The following OMD variants were observed in gnomAD, a reference collection of about 807,000 sequenced individuals.
OMD encodes osteomodulin.
Under a neutral mutation model 31.2 loss-of-function variants are expected in OMD, and 19 were observed. The ratio of observed to expected loss-of-function variants is 0.61; its 90% CI spans 0.42 to 0.89. The LOEUF (loss-of-function observed/expected upper bound fraction) is 0.89, where lower values mean the gene tolerates loss of function less well. Among genes scored for constraint, OMD ranks in the 40% least tolerant of loss-of-function variants. OMD has a pLI of 0.00. For synonymous variants in OMD, 155 were observed against 166.4 expected (o/e 0.93, Z 0.53); for missense variants, 448 against 490.8 (o/e 0.91, Z 0.82).
intron 1 of OMD, among the ~76,000 whole-genome samples, chr9:92,423,106 T>C (rs1843862689): frequency 6.6e-6 from 1 of 152,228 alleles, no homozygotes; most frequent in Admixed American, 6.5e-5. Context: ...TATTTCACTA[T>C]GATAATTTCT....
chr9:92,419,699 A>G (rs142175709), intron 1 of OMD, among the ~76,000 whole-genome samples: 235 of 152,308 alleles, frequency 1.5e-3, no homozygotes, highest in Non-Finnish European at 2.4e-3. Flanking sequence ...TGCTATCCAG[A>G]TGAAATGAAT....
intron 1 of OMD, among the ~76,000 whole-genome samples, chr9:92,421,472 AAGG>A (rs1398490764): frequency 6.6e-6 from 1 of 152,204 alleles, no homozygotes. Flanking sequence ...AGAATCTTGG[AAGG>A]AGGTAGATTT....
intron 1 of OMD, among the ~76,000 whole-genome samples, chr9:92,419,544 C>T (rs370261009): frequency 6.6e-6 from 1 of 152,086 alleles, no homozygotes; most frequent in Admixed American, 6.6e-5. Flanking sequence ...CATGATCCAC[C>T]CACCTTGGGC....
rs771514966 is a variant in OMD at position 92,417,401 on chromosome 9, A to G, written c.158T>C (p.Val53Ala). 5 of 1,613,880 alleles carry G rather than the reference A, an allele frequency of 3.1e-6. No homozygotes were observed. The highest frequency in any genetic ancestry group is 4.2e-6 in the Non-Finnish European group (5 of 1,179,952). Residue 53 changes from valine to alanine, a missense_variant, in exon 2 of 3, where the codon GTT (valine) becomes GCT (alanine). Physicochemically the swap from Val to Ala is moderately conservative, Grantham distance 64. Coordinates refer to ENST00000375550, the MANE Select transcript of OMD (RefSeq NM_005014.3). ...GCCTAAAGTATACTGATGAAAAGGA[A>G]CTCCGTAGTCTACATTTTGACGAAA... ...FPFRQNVDYG[V>A]PFHQYTLGCV...
intron 1 of OMD, among the ~76,000 whole-genome samples, chr9:92,422,543 T>G (rs1843838674): frequency 6.6e-6 from 1 of 152,192 alleles, no homozygotes; most frequent in Non-Finnish European, 1.5e-5. Flanking sequence ...ATTGTCTGCT[T>G]TCCGCCTTTG....
chr9:92,421,113 TG>T (rs1489907664), intron 1 of OMD, among the ~76,000 whole-genome samples: 1 of 152,160 alleles, frequency 6.6e-6, no homozygotes, highest in African/African-American at 2.4e-5. Flanking sequence ...GGTGCACTCT[TG>T]GCTCACCCTC....
At chr9:92,418,853 C>T (rs923978098) in intron 1 of OMD, among the ~76,000 whole-genome samples, 8 of 152,042 alleles carry the variant, frequency 5.3e-5, no homozygotes, top group South Asian at 2.1e-4. Flanking sequence ...ATTTAGTCTC[C>T]GACTCTGCTT....
chr9:92,420,037 A>C (rs1843738029), intron 1 of OMD, among the ~76,000 whole-genome samples: 1 of 152,182 alleles, frequency 6.6e-6, no homozygotes, highest in Middle Eastern at 3.2e-3. Context: ...ATTCAGGTAG[A>C]GTCAGAGACC....
rs1843901180 is a variant in OMD, at chr9:92,424,284, G to C, written c.-99C>G. ...TCAGAAATTCCTAAATTCTTTAACT[G>C]AGTCTCTTAAAAATCCACAGTAACT... On this transcript the variant is annotated 5_prime_UTR_variant, in exon 1 of 3. Transcript: ENST00000375550. The C allele has an allele frequency of 6.6e-6, 1 of 152,118 alleles. No individual in the cohort carries two copies. Among genetic ancestry groups the C allele is most frequent in the African/African-American group, 2.4e-5 (1 of 41,432 alleles). The allele number at this position is 152,118 out of a possible 1,614,324, so 9.4% of individuals were successfully genotyped here. A position where few individuals can be genotyped will look rare whatever the true frequency, so the allele number is the denominator to read the frequency against.
chr9:92,415,975 T>C (rs139574378), intron 2 of OMD, among the ~76,000 whole-genome samples: 4,346 of 145,420 alleles, frequency 0.03, 230 homozygotes, highest in African/African-American at 0.1. Context: ...TTGTCAGTTA[T>C]ATATATATGT....
In OMD at chr9:92,417,009, C is replaced by T. The variant is rs757336032; in HGVS notation, c.550G>A (p.Gly184Arg). 6.2e-7 allele frequency: 1 copy of T among 1,613,918 alleles called. No individual in the cohort carries two copies. The highest frequency in any genetic ancestry group is 1.3e-5 in the African/African-American group (1 of 75,004). ...TCAAGCATGGTCAAGTTTACTAGCC[C>T]ATCCATAGCATTTGTCTGCAGTTTG... ...ISKLQTNAMD[G>R]LVNLTMLDLC... Residue 184 changes from glycine to arginine, a missense_variant, in exon 2 of 3, where the codon GGG (glycine) becomes AGG (arginine). Gly to Arg is a moderately radical substitution (Grantham distance 125). Coordinates refer to ENST00000375550, the MANE Select transcript of OMD (RefSeq NM_005014.3).
In OMD at chr9:92,417,484, A is replaced by T. The variant is rs1206869275; in HGVS notation, c.75T>A (p.Tyr25Ter). The T allele has an allele frequency of 1.2e-6, 2 of 1,613,806 alleles. No homozygotes were observed. The highest frequency in any genetic ancestry group is 4.5e-5 in the East Asian group (2 of 44,828). ...GVKVHCQYETYQWDEDYDQEP... is the reference protein window; with the variant it reads ...GVKVHCQYET ...CTTGGTCATAGTCTTCATCCCACTG[A>T]TAAGTTTCATATTGGCAATGTACTT... The change falls in exon 2 of 3, where the codon TAT becomes TAA. Residue 25 changes from tyrosine to a stop codon, truncating the protein, a stop_gained. Coordinates refer to ENST00000375550, the MANE Select transcript of OMD (RefSeq NM_005014.3). LOFTEE classifies it high-confidence loss of function.
chr9:92,414,640 G>T lies in OMD; in HGVS notation c.*512C>A, dbSNP rs2130953925. The T allele has an allele frequency of 1.4e-5, 3 of 208,592 alleles. No individual in the cohort carries two copies. The East Asian group carries it at 2.2e-4, about 15-fold the overall frequency. The allele number at this position is 208,592 out of a possible 1,614,324, so 12.9% of individuals were successfully genotyped here. A position where few individuals can be genotyped will look rare whatever the true frequency, so the allele number is the denominator to read the frequency against. ...GAGCTAGGGGGATGGATGTCATAATGGTGAGATCACAAATACCAGTGTGAA... is the reference window on the plus strand; with the variant it reads ...GAGCTAGGGGGATGGATGTCATAATTGTGAGATCACAAATACCAGTGTGAA... On this transcript the variant is annotated 3_prime_UTR_variant, in exon 3 of 3. Coordinates refer to ENST00000375550, the MANE Select transcript of OMD (RefSeq NM_005014.3).
At position 92,414,241 on chromosome 9, in the gene OMD, A is replaced by T. The variant is rs1187543649; in HGVS notation, c.*911T>A. Reference sequence around the variant, plus strand: ...TATGTAGATATTGGCTGATAAGCATAAAGTGTTTAGTATTATCTTTAGAAC... The same window carrying T: ...TATGTAGATATTGGCTGATAAGCATTAAGTGTTTAGTATTATCTTTAGAAC... On this transcript the variant is annotated 3_prime_UTR_variant, in exon 3 of 3. Coordinates refer to ENST00000375550, the MANE Select transcript of OMD (RefSeq NM_005014.3). The T allele has an allele frequency of 5.5e-6, 1 of 182,062 alleles. No homozygotes were observed. Among genetic ancestry groups the T allele is most frequent in the Non-Finnish European group, 1.2e-5 (1 of 85,462 alleles). 11.3% of individuals were successfully genotyped at this position (182,062 alleles called of 1,614,324 possible). A position where few individuals can be genotyped will look rare whatever the true frequency, so the allele number is the denominator to read the frequency against.
intron 2 of OMD, among the ~76,000 whole-genome samples, chr9:92,416,200 A>G (rs1049153635): frequency 6.6e-6 from 1 of 151,284 alleles, no homozygotes; most frequent in Admixed American, 6.6e-5. Context: ...CCTGGGTTCA[A>G]GCAACTCTCA....
At position 92,416,871 on chromosome 9, in the gene OMD, C is replaced by A; in HGVS notation, c.688G>T (p.Gly230Cys). 1.3e-5 allele frequency: 21 copies of A among 1,613,884 alleles called. No homozygotes were observed. The highest frequency in any genetic ancestry group is 1.8e-5 in the Non-Finnish European group (21 of 1,179,926). ...CSNRLESMPP[G>C]LPSSLMYLSL... ...AGATACATAAGTGAAGAAGGCAAACCAGGAGGCATTGATTCTAATCTGTTA... is the reference window on the plus strand; with the variant it reads ...AGATACATAAGTGAAGAAGGCAAACAAGGAGGCATTGATTCTAATCTGTTA... Residue 230 changes from glycine (G) to cysteine (C), a missense_variant, in exon 2 of 3, where the codon GGT (glycine) becomes TGT (cysteine). Coordinates refer to ENST00000375550, the MANE Select transcript of OMD (RefSeq NM_005014.3).
At chr9:92,417,685 A>G in intron 1 of OMD, 111 bp from the exon 2 acceptor site, 1 of 645,652 alleles carries the variant, frequency 1.5e-6, no homozygotes, top group Non-Finnish European at 2.4e-6. Flanking sequence ...TATATATAAA[A>G]GAATATCCAG....
At chr9:92,419,450 T>G (rs1438406529) in intron 1 of OMD, among the ~76,000 whole-genome samples, 1 of 151,624 alleles carries the variant, frequency 6.6e-6, no homozygotes, top group Non-Finnish European at 1.5e-5. Flanking sequence ...ACAGGTGCAC[T>G]CCACCACACC....
chr9:92,421,417 G>A (rs1019402431), intron 1 of OMD, among the ~76,000 whole-genome samples: 5 of 152,162 alleles, frequency 3.3e-5, no homozygotes, highest in African/African-American at 1.2e-4. Flanking sequence ...ACATATTTGG[G>A]CTGTGATTTC....
Sources: gnomAD v4.1 joint callset for allele counts (sites outside exome capture counted in the v4.1 genomes callset) on GRCh38, gnomAD v4.1.1 for gene constraint, MANE v1.5 for transcripts, NCBI Gene and HGNC (gene_info 2026-07-23, HGNC 2026-07-21) for gene names.